The following OSBPL10 variants were observed in gnomAD, a reference collection of about 807,000 sequenced individuals.
The protein encoded by OSBPL10 is oxysterol binding protein like 10.
Under a neutral mutation model 81.7 loss-of-function variants are expected in OSBPL10, and 49 were observed. The observed-to-expected ratio is 0.60, with a 90% CI of 0.48 to 0.76. The LOEUF is 0.76. Ranked by LOEUF, OSBPL10 falls within the 30% of genes least tolerant of loss-of-function variation. OSBPL10 has a pLI of 0.00. For missense variants in OSBPL10, 923 were observed against 987.8 expected (o/e 0.93, Z 0.88); for synonymous variants, 419 against 383.6 (o/e 1.09, Z -1.08).
chr3:31,957,569 T>C (rs1330907545), intron 1 of OSBPL10, among the ~76,000 whole-genome samples: 1 of 152,232 alleles, frequency 6.6e-6, no homozygotes, highest in Non-Finnish European at 1.5e-5. Context: ...AAAAGAACCT[T>C]GCCATTCGTG....
chr3:31,970,225 T>C (rs1698519706), intron 1 of OSBPL10, among the ~76,000 whole-genome samples: 1 of 152,262 alleles, frequency 6.6e-6, no homozygotes, highest in African/African-American at 2.4e-5. Context: ...AAAAGAAGCA[T>C]ATTCCTCCCC....
intron 1 of OSBPL10, among the ~76,000 whole-genome samples, chr3:31,900,362 T>C (rs1212107097): frequency 6.6e-6 from 1 of 152,174 alleles, no homozygotes; most frequent in Non-Finnish European, 1.5e-5. Context: ...CCATTTACCA[T>C]ATCATTGCCC....
chr3:31,797,785 G>A (rs546693793), intron 4 of OSBPL10: 29 of 456,322 alleles, frequency 6.4e-5, no homozygotes, highest in Non-Finnish European at 1.0e-4. Context: ...GAGTCTTGAC[G>A]ATGCCAATGA....
At chr3:31,870,202 C>G (rs1481656368) in intron 3 of OSBPL10, among the ~76,000 whole-genome samples, 3 of 152,236 alleles carry the variant, frequency 2.0e-5, no homozygotes, top group Non-Finnish European at 4.4e-5. Context: ...GCTTGGAGGG[C>G]CCCGCACTCC....
At chr3:32,026,237 A>T (rs1386640422) in intron 2 of OSBPL10, among the ~76,000 whole-genome samples, 1 of 152,108 alleles carries the variant, frequency 6.6e-6, no homozygotes, top group Admixed American at 6.6e-5. Flanking sequence ...TGCTAGGCTC[A>T]GTGGTCCTCC....
intron 4 of OSBPL10, among the ~76,000 whole-genome samples, chr3:31,828,895 C>A (rs1427547411): frequency 6.6e-6 from 1 of 152,146 alleles, no homozygotes; most frequent in East Asian, 1.9e-4. Flanking sequence ...CCTGAAAATT[C>A]CAATAGAATT....
At chr3:32,047,149 G>A (rs898232753) in intron 1 of OSBPL10, among the ~76,000 whole-genome samples, 10 of 152,066 alleles carry the variant, frequency 6.6e-5, no homozygotes, top group South Asian at 2.1e-4. Flanking sequence ...GCTAATTTTC[G>A]TATTCTTTGT....
intron 3 of OSBPL10, among the ~76,000 whole-genome samples, chr3:31,864,479 ATC>A (rs1358235416): frequency 6.6e-6 from 1 of 152,082 alleles, no homozygotes. Context: ...ACCTCACATG[ATC>A]CACCTGCCTC....
At chr3:31,798,594 AC>A (rs1699299367) in intron 4 of OSBPL10, among the ~76,000 whole-genome samples, 2 of 152,150 alleles carry the variant, frequency 1.3e-5, no homozygotes, top group Non-Finnish European at 2.9e-5. Context: ...CCTGTTTCTT[AC>A]TTTTAACATG....
chr3:32,001,603 T>C (rs1317112306), intron 2 of OSBPL10, among the ~76,000 whole-genome samples: 1 of 152,250 alleles, frequency 6.6e-6, no homozygotes, highest in Non-Finnish European at 1.5e-5. Context: ...TTATATTCTG[T>C]ACCAGAGAAA....
intron 4 of OSBPL10, among the ~76,000 whole-genome samples, chr3:31,828,553 GAC>G (rs1394660297): frequency 1.3e-5 from 2 of 152,084 alleles, no homozygotes; most frequent in East Asian, 1.9e-4. Flanking sequence ...TTTTTTCTGA[GAC>G]ACAGTCTCAC....
intron 3 of OSBPL10, among the ~76,000 whole-genome samples, chr3:31,864,731 C>T (rs901836298): frequency 5.3e-5 from 8 of 151,968 alleles, no homozygotes; most frequent in South Asian, 2.1e-4. Context: ...GAACTGGACC[C>T]GAAATGAGTG....
chr3:31,768,506 T>C (rs931937132), intron 4 of OSBPL10, among the ~76,000 whole-genome samples: 1 of 152,066 alleles, frequency 6.6e-6, no homozygotes, highest in African/African-American at 2.4e-5. Context: ...GTAATATTAG[T>C]ACTCTTGCAG....
At chr3:32,066,780 G>A (rs1251409388) in intron 1 of OSBPL10, among the ~76,000 whole-genome samples, 2 of 152,110 alleles carry the variant, frequency 1.3e-5, no homozygotes, top group Admixed American at 6.6e-5. Flanking sequence ...ACAATGAAAG[G>A]CCCATCTTAA....
At position 31,748,040 on chromosome 3, in the gene OSBPL10, G is replaced by T. The variant is rs1328303700; in HGVS notation, c.810C>A (p.Ala270=). The change falls in exon 5 of 12, where the codon GCC becomes GCA. Residue 270 remains alanine (A), a synonymous_variant. Transcript: ENST00000396556. The stretch of plus-strand genomic sequence containing the variant: ...TCAGGAGCAGCAGGTCCTGGTCCAA[G>T]GCAGTGAGGGGGCCGGACCCTGGCA... ...ESLPGSGPLT[A]LDQDLLLLKA... is the part of the protein sequence containing the mutation. 1 of 1,614,214 alleles carries T rather than the reference G, an allele frequency of 6.2e-7. No homozygotes were observed.
At chr3:32,026,325 A>T (rs1342924884) in intron 2 of OSBPL10, among the ~76,000 whole-genome samples, 1 of 152,098 alleles carries the variant, frequency 6.6e-6, no homozygotes, top group African/African-American at 2.4e-5. Context: ...TTATATAGAG[A>T]TAGGGTCTCA....
At chr3:31,792,107 C>A (rs1432812581) in intron 4 of OSBPL10, among the ~76,000 whole-genome samples, 1 of 151,796 alleles carries the variant, frequency 6.6e-6, no homozygotes, top group Non-Finnish European at 1.5e-5. Context: ...CGCACATCTG[C>A]GGTCCCAGCT....
At chr3:31,926,952 A>G (rs1356675068) in intron 1 of OSBPL10, among the ~76,000 whole-genome samples, 4 of 152,134 alleles carry the variant, frequency 2.6e-5, no homozygotes, top group Non-Finnish European at 1.5e-5. Context: ...TCTACTAAAA[A>G]TATAAAAAAT....
At chr3:32,032,873 T>C (rs1699486230) in intron 2 of OSBPL10, among the ~76,000 whole-genome samples, 5 of 152,186 alleles carry the variant, frequency 3.3e-5, no homozygotes, top group Admixed American at 3.3e-4. Context: ...TCCATTAATA[T>C]GGAATTTTAT....
Sources: allele counts gnomAD v4.1 joint callset (sites outside exome capture counted in the v4.1 genomes callset), GRCh38; gene constraint gnomAD v4.1.1; transcripts MANE v1.5; gene names NCBI Gene and HGNC (gene_info 2026-07-23, HGNC 2026-07-21).